The following CADPS variants were observed in gnomAD, a reference collection of about 807,000 sequenced individuals.
CADPS encodes the protein calcium-dependent secretion activator 1.
CADPS carries 57 observed loss-of-function variants against 167.3 expected under a neutral mutation model. That is an observed-to-expected ratio of 0.34 (90% CI 0.28 to 0.42). The LOEUF is 0.42. CADPS is among the 20% of genes least tolerant of loss of function. The pLI, the probability that CADPS is intolerant of heterozygous loss-of-function variation, is 1.00. For synonymous variants in CADPS, 676 were observed against 635.3 expected (o/e 1.06, Z -0.96); for missense variants, 1,414 against 1,738.1 (o/e 0.81, Z 3.32).
chr3:62,479,690 C>A (rs1009619531), intron 22 of CADPS, among the ~76,000 whole-genome samples: 4 of 152,204 alleles, frequency 2.6e-5, no homozygotes, highest in Admixed American at 2.6e-4. Context: ...CACGATGGAG[C>A]AGGTAACATA....
chr3:62,664,590 C>T (rs1331630823), intron 3 of CADPS, among the ~76,000 whole-genome samples: 3 of 152,228 alleles, frequency 2.0e-5, no homozygotes, highest in Non-Finnish European at 4.4e-5. Flanking sequence ...CCACTGGGAA[C>T]ACTCAGAAAT....
At chr3:62,537,225 C>A (rs1300916732) in intron 11 of CADPS, among the ~76,000 whole-genome samples, 1 of 152,160 alleles carries the variant, frequency 6.6e-6, no homozygotes, top group Admixed American at 6.5e-5. Flanking sequence ...AGTGTGCTTA[C>A]TCAGTTAGCA....
chr3:62,682,254 A>G (rs1172277904), intron 3 of CADPS, among the ~76,000 whole-genome samples: 1 of 152,050 alleles, frequency 6.6e-6, no homozygotes, highest in Non-Finnish European at 1.5e-5. Flanking sequence ...GGATAAGTGC[A>G]GGAGCTATTT....
At chr3:62,679,774 T>C (rs2076866653) in intron 3 of CADPS, among the ~76,000 whole-genome samples, 1 of 151,954 alleles carries the variant, frequency 6.6e-6, no homozygotes, top group African/African-American at 2.4e-5. Context: ...GGATATAAAA[T>C]TGACATTGTA....
intron 1 of CADPS, among the ~76,000 whole-genome samples, chr3:62,794,417 A>G (rs1271115885): frequency 1.3e-5 from 2 of 152,150 alleles, no homozygotes; most frequent in Admixed American, 1.3e-4. Flanking sequence ...CCCTGTCTCC[A>G]CTATACAGAT....
chr3:62,597,505 G>C (rs833637), intron 6 of CADPS, among the ~76,000 whole-genome samples: 96,484 of 152,026 alleles, frequency 0.63, 32,133 homozygotes, highest in Non-Finnish European at 0.75. Context: ...CAGTGTCCTG[G>C]AGATACCCCA....
intron 6 of CADPS, among the ~76,000 whole-genome samples, chr3:62,594,723 T>C (rs376708290): frequency 9.8e-5 from 15 of 152,290 alleles, no homozygotes; most frequent in East Asian, 7.7e-4. Flanking sequence ...GATAGAGACC[T>C]AGCTGGGAGA....
intron 26 of CADPS, among the ~76,000 whole-genome samples, chr3:62,459,259 ACCACAAAC>A (rs2059056892): frequency 6.6e-6 from 1 of 152,192 alleles, no homozygotes; most frequent in Admixed American, 6.5e-5. Context: ...GCATCAGAAG[ACCACAAAC>A]CCAGCTGGCT....
chr3:62,676,891 G>A (rs2076419846), intron 3 of CADPS, among the ~76,000 whole-genome samples: 2 of 152,160 alleles, frequency 1.3e-5, no homozygotes, highest in Non-Finnish European at 1.5e-5. Context: ...AGCGCCCTGG[G>A]TGACAGCCTG....
chr3:62,548,323 G>C (rs761470730), intron 11 of CADPS, among the ~76,000 whole-genome samples: 8 of 152,200 alleles, frequency 5.3e-5, no homozygotes, highest in Non-Finnish European at 1.0e-4. Context: ...AGTGCAGGAA[G>C]ATGTTAGAGA....
chr3:62,753,453 G>A lies in CADPS; in HGVS notation c.876C>T (p.Tyr292=). Residue 292 remains tyrosine (Y), a synonymous_variant, in exon 3 of 30, where the codon TAC becomes TAT. Transcript: ENST00000383710. The surrounding 1 kb of genome is among the most constrained non-coding windows in gnomAD (Gnocchi z 4.6). ...AGAAACACCTTACCTGGCAGGCATT[G>A]TAAAGGAGCTGATGTTCGAACTTCT... is the stretch of plus-strand genomic sequence containing the variant. ...GIKKFEHQLL[Y]NACQLDNPDE... The A allele has an allele frequency of 6.2e-7, 1 of 1,610,354 alleles. No individual in the cohort carries two copies. The highest frequency in any genetic ancestry group is 8.5e-7 in the Non-Finnish European group (1 of 1,177,250).
intron 1 of CADPS, among the ~76,000 whole-genome samples, chr3:62,861,394 A>C (rs1284341227): frequency 6.6e-6 from 1 of 152,246 alleles, no homozygotes; most frequent in Non-Finnish European, 1.5e-5. Context: ...ACAAGTACAT[A>C]AAGTTACTCT....
intron 3 of CADPS, 72 bp from the exon 4 acceptor site, chr3:62,662,466 T>C (rs1225531319): frequency 1.5e-6 from 2 of 1,292,770 alleles, no homozygotes; most frequent in Non-Finnish European, 2.2e-6. Flanking sequence ...ACATTCCATT[T>C]TATACCCCCT....
intron 3 of CADPS, among the ~76,000 whole-genome samples, chr3:62,722,036 T>C (rs1210847225): frequency 6.6e-6 from 1 of 152,244 alleles, no homozygotes; most frequent in Non-Finnish European, 1.5e-5. Context: ...CATCTCCTCA[T>C]TCAGTGCTCA....
intron 28 of CADPS, among the ~76,000 whole-genome samples, chr3:62,435,951 T>C (rs1035213933): frequency 1.4e-5 from 2 of 147,162 alleles, no homozygotes; most frequent in African/African-American, 5.1e-5. Flanking sequence ...TTCTTTTTAC[T>C]ATTAATTTAC....
chr3:62,557,942 G>C (rs992945205), intron 9 of CADPS, among the ~76,000 whole-genome samples: 1 of 152,206 alleles, frequency 6.6e-6, no homozygotes, highest in Non-Finnish European at 1.5e-5. Flanking sequence ...TGTGGCCTTG[G>C]CTGAGACTGC....
chr3:62,474,159 T>TTTTTTTTTC lies in CADPS; in HGVS notation c.3477+13_3477+14insGAAAAAAAA. 1 of 1,364,942 alleles carries TTTTTTTTTC rather than the reference T, an allele frequency of 7.3e-7. No homozygotes were observed. Among genetic ancestry groups the TTTTTTTTTC allele is most frequent in the South Asian group, 1.7e-5 (1 of 58,218 alleles). The allele number at this position is 1,364,942 out of a possible 1,614,324, so 84.6% of individuals were successfully genotyped here. On this transcript the variant is annotated intron_variant, in intron 24 of 29. Transcript: ENST00000383710. ...GAGGGAAAAAAAAATCTGTATTTTT[T>TTTTTTTTTC]TTTTTTTTTTTACCTCTTGGCCCAT...
chr3:62,432,206 TG>T (rs1216174909), intron 28 of CADPS, among the ~76,000 whole-genome samples: 7 of 152,158 alleles, frequency 4.6e-5, no homozygotes, highest in Admixed American at 4.6e-4. Context: ...AGAGACTCAT[TG>T]AATTTTTAAC....
chr3:62,410,327 C>A (rs755269791), intron 28 of CADPS, among the ~76,000 whole-genome samples: 25 of 152,178 alleles, frequency 1.6e-4, no homozygotes, highest in Non-Finnish European at 3.1e-4. Flanking sequence ...TTGAAACTGG[C>A]ATGTTCAAGC....
Sources: allele counts gnomAD v4.1 joint callset (sites outside exome capture counted in the v4.1 genomes callset), GRCh38; gene constraint gnomAD v4.1.1; non-coding constraint Gnocchi (gnomAD v3.1); transcripts MANE v1.5; gene names NCBI Gene and HGNC (gene_info 2026-07-23, HGNC 2026-07-21).